The following PLD2 variants were observed in gnomAD, a reference collection of about 807,000 sequenced individuals.
The protein encoded by PLD2 is choline phosphatase 2.
A neutral mutation model predicts 119.8 loss-of-function variants in PLD2; 101 were observed. The observed-to-expected ratio is 0.84, with a 90% CI of 0.72 to 0.99. The LOEUF (loss-of-function observed/expected upper bound fraction) is 0.99, where lower values mean the gene tolerates loss of function less well. Ranked by LOEUF, PLD2 falls within the 50% of genes least tolerant of loss-of-function variation. The pLI is 0.00. For missense variants in PLD2, 1,164 were observed against 1,226.8 expected (o/e 0.95, Z 0.76); for synonymous variants, 494 against 482.8 (o/e 1.02, Z -0.30).
rs909180329 is a variant in PLD2, at chr17:4,819,580, C to T, written c.2460C>T (p.Phe820=). 1.3e-5 allele frequency: 21 copies of T among 1,607,140 alleles called. No homozygotes were observed. The highest frequency in any genetic ancestry group is 4.4e-5 in the South Asian group (4 of 90,110). ...RFALSLRKHC[F]GVILGANTRP... is the part of the protein sequence containing the mutation. ...CCTTGAGTCTGCGGAAGCACTGCTT[C>T]GGGTAGAGCTGGGGCGGGATGCCAC... Residue 820 remains phenylalanine (F), a splice_region_variant and synonymous_variant, in exon 23 of 25, where the codon TTC becomes TTT. Transcript: ENST00000263088. This position sits in a 1 kb window ranked among gnomAD's most constrained non-coding sequence, Gnocchi z 4.2.
At position 4,818,395 on chromosome 17, in the gene PLD2, A is replaced by T. The variant is rs1282695379; in HGVS notation, c.2009+10A>T. 1.2e-6 allele frequency: 2 copies of T among 1,613,386 alleles called. No homozygotes were observed. The highest frequency in any genetic ancestry group is 1.7e-6 in the Non-Finnish European group (2 of 1,179,496). On this transcript the variant is annotated intron_variant, in intron 19 of 24. Coordinates refer to ENST00000263088, the MANE Select transcript of PLD2 (RefSeq NM_002663.5). ...TCCTGAAGGCCCACAAGTAAGGTGGACTGTCAGGAAGGTGGGGACTGTGGG... is the reference window on the plus strand; with the variant it reads ...TCCTGAAGGCCCACAAGTAAGGTGGTCTGTCAGGAAGGTGGGGACTGTGGG...
chr17:4,817,077 G>T, intron 16 of PLD2, 22 bp downstream of exon 16: 1 of 1,608,788 alleles, frequency 6.2e-7, no homozygotes, highest in Non-Finnish European at 8.5e-7. Flanking sequence ...CTCCGATAGG[G>T]GCTGGAGGTA....
rs757283064 is a variant in PLD2 at position 4,818,732 on chromosome 17, C to G, written c.2124-42C>G. On this transcript the variant is annotated intron_variant, in intron 20 of 24. Transcript: ENST00000263088. ...GCCACCTCTCCTGACCTCCCCTCCC[C>G]TCTGCCAGCCTCCACTTCTCTCCCT... 10 of 1,612,590 alleles carry G rather than the reference C, an allele frequency of 6.2e-6. No homozygotes were observed. In the African/African-American group the frequency reaches 1.2e-4, roughly 19 times the overall value.
Position 4,817,204 on chromosome 17 carries a change from G to C in PLD2, c.1760G>C (p.Ser587Thr). 1 of 1,614,006 alleles carries C rather than the reference G, an allele frequency of 6.2e-7. No homozygotes were observed. Among genetic ancestry groups the C allele is most frequent in the South Asian group, 1.1e-5 (1 of 91,076 alleles). ...TYPYLLPKST[S>T]TANQLPFTLP... ...CCCTACCTGCTTCCCAAGTCTACCAGCACGGCCAATCAGCTCCCCTTCACA... is the reference window on the plus strand; with the variant it reads ...CCCTACCTGCTTCCCAAGTCTACCACCACGGCCAATCAGCTCCCCTTCACA... Residue 587 changes from serine to threonine, a missense_variant, in exon 17 of 25, where the codon AGC becomes ACC. Physicochemically the swap from Ser to Thr is moderately conservative, Grantham distance 58. Transcript: ENST00000263088.
At chr17:4,822,543 G>A in intron 24 of PLD2, 97 bp from the exon 25 acceptor site, 1 of 760,990 alleles carries the variant, frequency 1.3e-6, no homozygotes, top group Non-Finnish European at 2.1e-6. Flanking sequence ...CGGGGGGTAT[G>A]GAGAGATGGT....
At position 4,809,961 on chromosome 17, in the gene PLD2, C is replaced by T; in HGVS notation, c.792C>T (p.Gly264=). The change falls in exon 9 of 25, where the codon GGC becomes GGT. Residue 264 remains glycine (G), a synonymous_variant. Coordinates refer to ENST00000263088, the MANE Select transcript of PLD2 (RefSeq NM_002663.5). ...AISFVQLFDP[G]FEVQVGKRST... Reference sequence around the variant, plus strand: ...CATTTGTTCAGCTCTTTGACCCTGGCTTTGAGGTGCAAGTGGGGAAAAGGA... The same window carrying T: ...CATTTGTTCAGCTCTTTGACCCTGGTTTTGAGGTGCAAGTGGGGAAAAGGA... 1 of 1,614,096 alleles carries T rather than the reference C, an allele frequency of 6.2e-7. No individual in the cohort carries two copies. Among genetic ancestry groups the T allele is most frequent in the Non-Finnish European group, 8.5e-7 (1 of 1,180,018 alleles).
intron 23 of PLD2, among the ~76,000 whole-genome samples, chr17:4,820,237 C>G (rs1047947297): frequency 2.0e-5 from 3 of 150,122 alleles, no homozygotes; most frequent in African/African-American, 4.9e-5. Context: ...AGCCACTGCA[C>G]CTGGCCACGA....
Position 4,819,404 on chromosome 17 carries a change from A to G in PLD2, c.2309-25A>G. 6.2e-7 allele frequency: 1 copy of G among 1,611,698 alleles called. No homozygotes were observed. The highest frequency in any genetic ancestry group is 8.5e-7 in the Non-Finnish European group (1 of 1,178,884). On this transcript the variant is annotated intron_variant, in intron 22 of 24. Transcript: ENST00000263088. The surrounding 1 kb of genome is among the most constrained non-coding windows in gnomAD (Gnocchi z 4.2). ...GGGAGAGTGCCCTGGGCCCAAGCAC[A>G]CAGTGTGCCCCGCATCCACCCCAGG...
rs1254286946 is a variant in PLD2 at position 4,807,793 on chromosome 17, C to T, written c.21C>T (p.Ser7=). The change falls in exon 2 of 25, where the codon AGC becomes AGT. Residue 7 remains serine, a synonymous_variant. Coordinates refer to ENST00000263088, the MANE Select transcript of PLD2 (RefSeq NM_002663.5). The surrounding 1 kb of genome is among the most constrained non-coding windows in gnomAD (Gnocchi z 5.4). Reference sequence around the variant, plus strand: ...CTAGGATGACGGCGACCCCTGAGAGCCTCTTCCCCACTGGGGACGAACTGG... The same window carrying T: ...CTAGGATGACGGCGACCCCTGAGAGTCTCTTCCCCACTGGGGACGAACTGG... MTATPE[S]LFPTGDELDS... The T allele has an allele frequency of 6.2e-7, 1 of 1,607,552 alleles. No homozygotes were observed. Among genetic ancestry groups the T allele is most frequent in the Admixed American group, 1.7e-5 (1 of 59,950 alleles).
Position 4,809,040 on chromosome 17 carries a change from C to T in PLD2, c.384-60C>T. 3 of 1,333,898 alleles carry T rather than the reference C, an allele frequency of 2.2e-6. No homozygotes were observed. The Admixed American group carries it at 5.1e-5, about 23-fold the overall frequency. The allele number at this position is 1,333,898 out of a possible 1,614,324, so 82.6% of individuals were successfully genotyped here. On this transcript the variant is annotated intron_variant, in intron 4 of 24. Coordinates refer to ENST00000263088, the MANE Select transcript of PLD2 (RefSeq NM_002663.5). ...CTCCGAGCCCCATCTCCAGTGTTTT[C>T]AGGAACCAGAGCACCCAGCCTCCCA...
chr17:4,810,624 G>T (rs1191488879), intron 9 of PLD2, among the ~76,000 whole-genome samples, 178 bp from the exon 10 acceptor site: 1 of 152,096 alleles, frequency 6.6e-6, no homozygotes, highest in Non-Finnish European at 1.5e-5. Flanking sequence ...CAGCCTGGGG[G>T]ACAAGAGCTA....
rs752773071 is a variant in PLD2 at position 4,815,781 on chromosome 17, C to T, written c.1302C>T (p.Asp434=). The change falls in exon 14 of 25, where the codon GAC becomes GAT. Residue 434 remains aspartate (D), a synonymous_variant. Transcript: ENST00000263088. The stretch of plus-strand genomic sequence containing the variant: ...TGCTCCAGGTGATGCGTCACCCAGA[C>T]CAAGTGACGTTGTGGGCCCATCATG... ...HPNIKVMRHP[D]QVTLWAHHEK... is the part of the protein sequence containing the mutation. The T allele has an allele frequency of 7.4e-6, 12 of 1,613,964 alleles. No homozygotes were observed. The highest frequency in any genetic ancestry group is 1.6e-4 in the Middle Eastern group (1 of 6,084).
At chr17:4,812,908 T>TGG (rs1246171911) in intron 10 of PLD2, among the ~76,000 whole-genome samples, 1 of 152,160 alleles carries the variant, frequency 6.6e-6, no homozygotes, top group Non-Finnish European at 1.5e-5. Flanking sequence ...GAGGAGAAGC[T>TGG]GGGAGTCAGT....
At position 4,815,524 on chromosome 17, in the gene PLD2, G is replaced by A; in HGVS notation, c.1222G>A (p.Ala408Thr). The change falls in exon 13 of 25, where the codon GCC becomes ACC. Residue 408 changes from alanine (A) to threonine (T), a missense_variant. Ala to Thr is a moderately conservative substitution (Grantham distance 58). Transcript: ENST00000263088. ...SILLFKEVEL[A>T]LGINSGYSKR... ...TCTGCTGTTTAAAGAAGTGGAATTGGCCTTGGGCATCAACAGTGGCTATAG... is the reference window on the plus strand; with the variant it reads ...TCTGCTGTTTAAAGAAGTGGAATTGACCTTGGGCATCAACAGTGGCTATAG... The A allele has an allele frequency of 1.2e-6, 2 of 1,613,720 alleles. No individual in the cohort carries two copies. The highest frequency in any genetic ancestry group is 2.2e-5 in the East Asian group (1 of 44,878).
At chr17:4,822,549 A>G in intron 24 of PLD2, 91 bp from the exon 25 acceptor site, 1 of 799,718 alleles carries the variant, frequency 1.3e-6, no homozygotes, top group Non-Finnish European at 2.0e-6. Context: ...GTATGGAGAG[A>G]TGGTATGGGG....
Position 4,822,729 on chromosome 17 carries a change from C to A in PLD2, c.2667C>A (p.Pro889=), listed in dbSNP as rs770400236. 9.9e-6 allele frequency: 16 copies of A among 1,613,856 alleles called. No homozygotes were observed. The highest frequency in any genetic ancestry group is 2.7e-5 in the African/African-American group (2 of 74,940). Residue 889 remains proline, a synonymous_variant, in exon 25 of 25, where the codon CCC becomes CCA. Transcript: ENST00000263088. The part of the protein sequence containing the change: ...VAVEPLATVS[P]PLARSELTQV... ...TGGAGCCCTTGGCCACGGTCAGTCCCCCCTTGGCTCGGTCTGAGCTCACCC... is the reference window on the plus strand; with the variant it reads ...TGGAGCCCTTGGCCACGGTCAGTCCACCCTTGGCTCGGTCTGAGCTCACCC...
At chr17:4,812,350 A>G (rs1906564215) in intron 10 of PLD2, among the ~76,000 whole-genome samples, 1 of 143,092 alleles carries the variant, frequency 7.0e-6, no homozygotes, top group Admixed American at 7.3e-5. Context: ...GCTGGAGTGC[A>G]GTGGCAGGAT....
At position 4,822,928 on chromosome 17, in the gene PLD2, C is replaced by T; in HGVS notation, c.*64C>T. On this transcript the variant is annotated 3_prime_UTR_variant, in exon 25 of 25. Coordinates refer to ENST00000263088, the MANE Select transcript of PLD2 (RefSeq NM_002663.5). ...CCCCACCACGTCTGGCTCCCTGCCC[C>T]TTAACCCCAAGGACTGAGGGCAGTG... is the stretch of plus-strand genomic sequence containing the variant. 3.3e-6 allele frequency: 3 copies of T among 909,928 alleles called. No homozygotes were observed. Among genetic ancestry groups the T allele is most frequent in the Non-Finnish European group, 3.5e-6 (2 of 573,764 alleles). 56.4% of individuals were successfully genotyped at this position (909,928 alleles called of 1,614,324 possible). A position where few individuals can be genotyped will look rare whatever the true frequency, so the allele number is the denominator to read the frequency against.
At position 4,818,975 on chromosome 17, in the gene PLD2, G is replaced by A. The variant is rs1907340033; in HGVS notation, c.2174-109G>A. On this transcript the variant is annotated intron_variant, in intron 21 of 24. Coordinates refer to ENST00000263088, the MANE Select transcript of PLD2 (RefSeq NM_002663.5). The stretch of plus-strand genomic sequence containing the variant: ...GCTGGCCTTTCACTGCAGGGAGAAG[G>A]AGAGAGACCAGACTCTATGTAGGAA... 3.3e-6 allele frequency: 5 copies of A among 1,530,872 alleles called. No homozygotes were observed. In the South Asian group the frequency reaches 4.8e-5, roughly 15 times the overall value. 94.8% of individuals were successfully genotyped at this position (1,530,872 alleles called of 1,614,324 possible).
Sources: gnomAD v4.1 joint callset for allele counts (sites outside exome capture counted in the v4.1 genomes callset) on GRCh38, gnomAD v4.1.1 for gene constraint, Gnocchi (gnomAD v3.1) non-coding constraint, MANE v1.5 for transcripts, NCBI Gene and HGNC (gene_info 2026-07-23, HGNC 2026-07-21) for gene names.